NTM: variants seen among roughly 807,000 people sequenced by gnomAD.
NTM encodes the protein IgLON family member 2.
A neutral mutation model predicts 42.1 loss-of-function variants in NTM; 13 were observed. The ratio of observed to expected loss-of-function variants is 0.31; its 90% CI spans 0.20 to 0.49. The LOEUF (loss-of-function observed/expected upper bound fraction) is 0.49, where lower values mean the gene tolerates loss of function less well. Ranked by LOEUF, NTM falls within the 20% of genes least tolerant of loss-of-function variation. NTM has a pLI of 0.99. For missense variants in NTM, 373 were observed against 452.8 expected (o/e 0.82, Z 1.60); for synonymous variants, 187 against 179.2 (o/e 1.04, Z -0.35).
Position 131,789,474 on chromosome 11 carries a change from AGAAGAAGAAGAAGAAGAG to A in NTM, c.83-122086_83-122069del, listed in dbSNP as rs1565550347. Among the ~76,000 whole-genome samples, 97 of 13,600 alleles carry A rather than the reference AGAAGAAGAAGAAGAAGAG, an allele frequency of 7.1e-3. 23 individuals carry two copies. The highest frequency in any genetic ancestry group is 0.026 in the Admixed American group (26 of 986). 8.9% of individuals were successfully genotyped at this position (13,600 alleles called of 152,430 possible). A position where few individuals can be genotyped will look rare whatever the true frequency, so the allele number is the denominator to read the frequency against. ...AAGAAGAAGAAGAAGAAGAAGAAGA[AGAAGAAGAAGAAGAAGAG>A]GAAAGAAGAAGAAGAAGAAGAAGAA... On this transcript the variant is annotated intron_variant, in intron 1 of 8. Transcript: ENST00000683400.
intron 2 of NTM, among the ~76,000 whole-genome samples, chr11:132,104,737 A>G (rs1024643095): frequency 6.6e-6 from 1 of 150,628 alleles, no homozygotes; most frequent in African/African-American, 2.4e-5. Context: ...TTCTACAAAA[A>G]GAAAAGAAAA....
rs759720917 is a variant in NTM, at chr11:131,424,867, CT to C, written c.82+53992del. 8.4e-3 allele frequency among the ~76,000 whole-genome samples: 1,168 copies of C among 138,456 alleles called. 13 individuals carry two copies. The highest frequency in any genetic ancestry group is 0.027 in the African/African-American group (1,009 of 37,770). 90.8% of individuals were successfully genotyped at this position (138,456 alleles called of 152,430 possible). A position where few individuals can be genotyped will look rare whatever the true frequency, so the allele number is the denominator to read the frequency against. On this transcript the variant is annotated intron_variant, in intron 1 of 8. Transcript: ENST00000683400. ...TATAGGCGTGAGCCACCACGCCCAG[CT>C]TTTTTTTTTTTTATTTTTTTATTTT...
chr11:132,075,210 C>A (rs2136210601), intron 2 of NTM, among the ~76,000 whole-genome samples: 1 of 152,208 alleles, frequency 6.6e-6, no homozygotes, highest in Non-Finnish European at 1.5e-5. Context: ...CATGGAGTTT[C>A]AGTTACGCAA....
At chr11:131,967,683 C>T (rs1168891908) in intron 2 of NTM, among the ~76,000 whole-genome samples, 4 of 152,164 alleles carry the variant, frequency 2.6e-5, no homozygotes, top group Non-Finnish European at 2.9e-5. Context: ...AAGCCTGAAA[C>T]GAAGGTTTTT....
chr11:132,226,629 A>G (rs990087320), intron 4 of NTM, among the ~76,000 whole-genome samples: 32 of 152,156 alleles, frequency 2.1e-4, no homozygotes, highest in African/African-American at 7.5e-4. Context: ...TACTTTAACC[A>G]TGAAGAGAAA....
chr11:131,844,729 GTTA>G (rs1459810548), intron 1 of NTM, among the ~76,000 whole-genome samples: 3 of 151,912 alleles, frequency 2.0e-5, no homozygotes, highest in Non-Finnish European at 4.4e-5. Flanking sequence ...TATTTTTGTT[GTTA>G]TTATAGTGTC....
chr11:131,878,891 A>G (rs1254982372), intron 1 of NTM, among the ~76,000 whole-genome samples: 1 of 151,608 alleles, frequency 6.6e-6, no homozygotes, highest in Non-Finnish European at 1.5e-5. Flanking sequence ...AGTTCCCACC[A>G]CCCCTAAATA....
chr11:131,718,610 C>T (rs989785645), intron 1 of NTM, among the ~76,000 whole-genome samples: 1 of 152,124 alleles, frequency 6.6e-6, no homozygotes, highest in African/African-American at 2.4e-5. Context: ...TTTGCCCGGC[C>T]TTTGGGAAGT....
intron 2 of NTM, among the ~76,000 whole-genome samples, chr11:132,056,686 C>T (rs536007700): frequency 1.3e-5 from 2 of 152,340 alleles, no homozygotes; most frequent in South Asian, 4.1e-4. Flanking sequence ...TCTTGCTCTT[C>T]TCAACCCACC....
Position 131,480,388 on chromosome 11 carries a change from C to T in NTM, c.82+109500C>T, listed in dbSNP as rs528067691. Among the ~76,000 whole-genome samples the T allele has an allele frequency of 2.6e-5, 4 of 152,246 alleles. No homozygotes were observed. In the South Asian group the frequency reaches 6.2e-4, roughly 24 times the overall value. ...TTCCTCTACCCACCAAAAGCTGTCGCTTGATACTAGGCATTTTCACCAAAT... is the reference window on the plus strand; with the variant it reads ...TTCCTCTACCCACCAAAAGCTGTCGTTTGATACTAGGCATTTTCACCAAAT... On this transcript the variant is annotated intron_variant, in intron 1 of 8. Transcript: ENST00000683400.
chr11:132,237,900 C>A (rs2089374357), intron 4 of NTM, among the ~76,000 whole-genome samples: 1 of 152,206 alleles, frequency 6.6e-6, no homozygotes, highest in African/African-American at 2.4e-5. Context: ...CCCTTGTTTA[C>A]TGTTGAAATA....
At chr11:131,371,040 G>T (rs1222523002) in intron 1 of NTM, 152 bp downstream of exon 1, 16 of 1,462,196 alleles carry the variant, frequency 1.1e-5, no homozygotes, top group Non-Finnish European at 1.4e-5. Flanking sequence ...TCATTCTCCC[G>T]ACTAGGCTGT....
intron 4 of NTM, 70 bp downstream of exon 4, chr11:132,212,217 T>C: frequency 7.5e-7 from 1 of 1,328,502 alleles, no homozygotes; most frequent in Non-Finnish European, 1.1e-6. Context: ...GGTAGGAGGT[T>C]ATGGGTGCTG....
chr11:131,601,896 T>C (rs2060517146), intron 1 of NTM, among the ~76,000 whole-genome samples: 1 of 152,128 alleles, frequency 6.6e-6, no homozygotes, highest in Non-Finnish European at 1.5e-5. Flanking sequence ...TGAATATGGA[T>C]CATGAGCAAG....
At chr11:132,242,388 T>C (rs931295182) in intron 4 of NTM, among the ~76,000 whole-genome samples, 1 of 151,968 alleles carries the variant, frequency 6.6e-6, no homozygotes, top group Non-Finnish European at 1.5e-5. Flanking sequence ...AAATGTTACA[T>C]TTAGGGGAAA....
intron 1 of NTM, among the ~76,000 whole-genome samples, chr11:131,400,372 G>A (rs73022130): frequency 0.021 from 3,228 of 152,210 alleles, 53 homozygotes; most frequent in Middle Eastern, 0.12. Context: ...AAGCACCAGA[G>A]GAGCTCCATC....
chr11:132,081,648 C>T (rs963142574), intron 2 of NTM, among the ~76,000 whole-genome samples: 2 of 150,838 alleles, frequency 1.3e-5, no homozygotes, highest in Non-Finnish European at 2.9e-5. Flanking sequence ...AGGAGAATGG[C>T]GTGAACCCGG....
At chr11:131,782,578 A>G (rs1304784112) in intron 1 of NTM, among the ~76,000 whole-genome samples, 1 of 152,156 alleles carries the variant, frequency 6.6e-6, no homozygotes, top group Non-Finnish European at 1.5e-5. Flanking sequence ...AATTATGCAT[A>G]AACATGGACA....
At chr11:132,329,055 T>C (rs1425536296) in intron 7 of NTM, among the ~76,000 whole-genome samples, 3 of 152,216 alleles carry the variant, frequency 2.0e-5, no homozygotes, top group Non-Finnish European at 4.4e-5. Context: ...GGATATCGTG[T>C]GTCAGGTGAT....
Sources: gnomAD v4.1 joint callset for allele counts (sites outside exome capture counted in the v4.1 genomes callset) on GRCh38, gnomAD v4.1.1 for gene constraint, MANE v1.5 for transcripts, NCBI Gene and HGNC (gene_info 2026-07-23, HGNC 2026-07-21) for gene names.